Variants in SGCZ observed in about 807,000 individuals in gnomAD.
SGCZ encodes zeta-sarcoglycan.
SGCZ carries 40 observed loss-of-function variants against 41.3 expected under a neutral mutation model. That is an observed-to-expected ratio of 0.97 (90% CI 0.75 to 1.26). The LOEUF (loss-of-function observed/expected upper bound fraction) is 1.26, where lower values mean the gene tolerates loss of function less well. SGCZ is among the 50% of genes most tolerant of loss of function. The probability of loss-of-function intolerance (pLI) is 0.00; values close to 1 mark genes in which losing one functional copy is unlikely to be tolerated. For missense variants in SGCZ, 552 were observed against 369.8 expected (o/e 1.49, Z -4.04); for synonymous variants, 206 against 137.5 (o/e 1.50, Z -3.49).
At chr8:14,671,015 C>A (rs1808083004) in intron 1 of SGCZ, among the ~76,000 whole-genome samples, 1 of 152,206 alleles carries the variant, frequency 6.6e-6, no homozygotes, top group Non-Finnish European at 1.5e-5. Context: ...AGCTCTCAAG[C>A]TTCCTTGGTG....
At chr8:14,427,859 A>G (rs1161941733) in intron 2 of SGCZ, among the ~76,000 whole-genome samples, 1 of 152,178 alleles carries the variant, frequency 6.6e-6, no homozygotes, top group Non-Finnish European at 1.5e-5. Flanking sequence ...ATGGATGAAA[A>G]TATTTTAAAA....
At chr8:14,984,313 T>C (rs182483703) in intron 1 of SGCZ, among the ~76,000 whole-genome samples, 3 of 152,304 alleles carry the variant, frequency 2.0e-5, no homozygotes, top group Admixed American at 1.3e-4. Context: ...TCTATTATTA[T>C]ACATAGAACC....
At chr8:14,651,216 G>T (rs1453577211) in intron 1 of SGCZ, among the ~76,000 whole-genome samples, 1 of 152,008 alleles carries the variant, frequency 6.6e-6, no homozygotes, top group Non-Finnish European at 1.5e-5. Flanking sequence ...ATATGAAAAA[G>T]TAGATTGCTC....
intron 4 of SGCZ, among the ~76,000 whole-genome samples, chr8:14,215,094 A>C (rs1805949354): frequency 6.6e-6 from 1 of 152,186 alleles, no homozygotes. Flanking sequence ...TAGAACCTTC[A>C]TCAAATAAAG....
intron 1 of SGCZ, among the ~76,000 whole-genome samples, chr8:15,192,627 A>T (rs959563909): frequency 6.6e-6 from 1 of 152,112 alleles, no homozygotes; most frequent in South Asian, 2.1e-4. Context: ...ACTGGCATCA[A>T]TGCCAAACTC....
chr8:14,841,588 A>G (rs749848699), intron 1 of SGCZ, among the ~76,000 whole-genome samples: 1 of 152,172 alleles, frequency 6.6e-6, no homozygotes, highest in Non-Finnish European at 1.5e-5. Flanking sequence ...ATACCAGATG[A>G]GTAATTTATT....
At chr8:14,419,482 C>T (rs1334761186) in intron 2 of SGCZ, among the ~76,000 whole-genome samples, 2 of 151,912 alleles carry the variant, frequency 1.3e-5, no homozygotes, top group East Asian at 3.9e-4. Context: ...TTTTTTGTCT[C>T]ATTATACTTT....
At chr8:14,431,540 C>A (rs75822410) in intron 2 of SGCZ, among the ~76,000 whole-genome samples, 13,850 of 152,194 alleles carry the variant, frequency 0.091, 1,829 homozygotes, top group African/African-American at 0.29. Flanking sequence ...AAAATCAACT[C>A]AAGATGGATC....
rs770574324 is a variant in SGCZ, at chr8:14,192,293, T to G, written c.425-27591A>C. ...ATCCCAAGGTAGTAAAGAATACTGC[T>G]GTATTTAATGTTAATAGTGGTCAGC... is the stretch of plus-strand genomic sequence containing the variant. On this transcript the variant is annotated intron_variant, in intron 4 of 7. Transcript: ENST00000382080. Among the ~76,000 whole-genome samples, 135 of 152,134 alleles carry G rather than the reference T, an allele frequency of 8.9e-4. 1 individual carries two copies. Among genetic ancestry groups the G allele is most frequent in the Non-Finnish European group, 1.6e-3 (111 of 67,872 alleles).
chr8:14,690,373 C>T (rs1446914095), intron 1 of SGCZ: 1 of 151,906 alleles, frequency 6.6e-6, no homozygotes, highest in African/African-American at 2.4e-5. Flanking sequence ...AGCAACCCAG[C>T]CAGGAGGTCT....
chr8:14,429,291 T>C (rs1381446297), intron 2 of SGCZ, among the ~76,000 whole-genome samples: 1 of 151,838 alleles, frequency 6.6e-6, no homozygotes, highest in Non-Finnish European at 1.5e-5. Flanking sequence ...TTGAGGAGGG[T>C]TGTCAGGGTA....
chr8:14,320,581 G>T (rs774670280), intron 3 of SGCZ, among the ~76,000 whole-genome samples: 1 of 152,040 alleles, frequency 6.6e-6, no homozygotes, highest in Non-Finnish European at 1.5e-5. Flanking sequence ...ACAAGGTGCA[G>T]AACTGGTGGA....
intron 1 of SGCZ, among the ~76,000 whole-genome samples, chr8:14,812,460 C>T (rs537208618): frequency 6.6e-6 from 1 of 152,116 alleles, no homozygotes; most frequent in African/African-American, 2.4e-5. Flanking sequence ...AAAACACAGG[C>T]CTGGAATATA....
At chr8:15,085,521 G>T (rs1805916804) in intron 1 of SGCZ, among the ~76,000 whole-genome samples, 1 of 152,114 alleles carries the variant, frequency 6.6e-6, no homozygotes, top group African/African-American at 2.4e-5. Context: ...AAAACAGGAG[G>T]ATGTGGGATA....
At chr8:14,702,972 GACAGAC>G (rs1809217150) in intron 1 of SGCZ, among the ~76,000 whole-genome samples, 2 of 58,710 alleles carry the variant, frequency 3.4e-5, no homozygotes, top group Non-Finnish European at 6.6e-5. Context: ...TAGATAGATA[GACAGAC>G]AGACAGACAG....
chr8:15,180,918 T>C (rs1458137384), intron 1 of SGCZ, among the ~76,000 whole-genome samples: 2 of 150,896 alleles, frequency 1.3e-5, no homozygotes, highest in African/African-American at 4.9e-5. Flanking sequence ...AAAGACAGGA[T>C]ACCAGCACAT....
At chr8:14,432,878 C>G (rs187748336) in intron 2 of SGCZ, among the ~76,000 whole-genome samples, 1 of 125,436 alleles carries the variant, frequency 8.0e-6, no homozygotes. Context: ...CGTGCTACTG[C>G]ACTCCAGCCT....
At chr8:14,447,569 C>G (rs1800468615) in intron 2 of SGCZ, among the ~76,000 whole-genome samples, 1 of 152,100 alleles carries the variant, frequency 6.6e-6, no homozygotes, top group Non-Finnish European at 1.5e-5. Context: ...CATTTAAAAG[C>G]AATCAACATT....
At chr8:14,516,988 G>C (rs1231157922) in intron 2 of SGCZ, among the ~76,000 whole-genome samples, 1 of 152,032 alleles carries the variant, frequency 6.6e-6, no homozygotes, top group Non-Finnish European at 1.5e-5. Context: ...TAGATACAAG[G>C]GTGGAGCCAG....
Sources: gnomAD v4.1 joint callset for allele counts (sites outside exome capture counted in the v4.1 genomes callset) on GRCh38, gnomAD v4.1.1 for gene constraint, MANE v1.5 for transcripts, NCBI Gene and HGNC (gene_info 2026-07-23, HGNC 2026-07-21) for gene names.